Variants in MFN1 observed in about 807,000 individuals in gnomAD.
The protein encoded by MFN1 is mitofusin 1.
A neutral mutation model predicts 92.4 loss-of-function variants in MFN1; 65 were observed. The observed-to-expected ratio is 0.70, with a 90% CI of 0.58 to 0.86. The LOEUF (loss-of-function observed/expected upper bound fraction) is 0.86, where lower values mean the gene tolerates loss of function less well. MFN1 is among the 40% of genes least tolerant of loss of function. The probability of loss-of-function intolerance (pLI) is 0.00; values close to 1 mark genes in which losing one functional copy is unlikely to be tolerated. For missense variants in MFN1, 781 were observed against 868.0 expected (o/e 0.90, Z 1.26); for synonymous variants, 297 against 300.9 (o/e 0.99, Z 0.13).
chr3:179,366,852 C>T (rs1010641231), intron 7 of MFN1, among the ~76,000 whole-genome samples: 4 of 152,214 alleles, frequency 2.6e-5, no homozygotes, highest in South Asian at 4.1e-4. Context: ...CACTTCAGTG[C>T]CCAAGTGGTA....
intron 9 of MFN1, among the ~76,000 whole-genome samples, chr3:179,375,012 T>C (rs1241327613): frequency 6.6e-6 from 1 of 152,240 alleles, no homozygotes; most frequent in Non-Finnish European, 1.5e-5. Flanking sequence ...TACACAAAGA[T>C]GGTAACTTGC....
intron 14 of MFN1, among the ~76,000 whole-genome samples, chr3:179,385,246 TTTG>T (rs1713633993): frequency 7.3e-5 from 11 of 151,610 alleles, no homozygotes; most frequent in African/African-American, 2.7e-4. Flanking sequence ...TTTATCATTT[TTTG>T]TTGTTGTTTG....
chr3:179,373,702 C>G (rs1199372650), intron 9 of MFN1, among the ~76,000 whole-genome samples: 1 of 151,748 alleles, frequency 6.6e-6, no homozygotes, highest in Non-Finnish European at 1.5e-5. Flanking sequence ...GAGACAGAGT[C>G]TCGCTCTGTC....
intron 7 of MFN1, among the ~76,000 whole-genome samples, chr3:179,366,947 A>G (rs1357024087): frequency 1.3e-5 from 2 of 152,142 alleles, no homozygotes; most frequent in Admixed American, 6.5e-5. Context: ...TTGTTTTTTG[A>G]GACGGAGTCT....
In MFN1 at chr3:179,361,223, C is replaced by T. The variant is rs187559244; in HGVS notation, c.412-1135C>T. ...TCAAAATTCAAACTTCTCGTGACTT[C>T]AGAGTCTCAAAGTATGCTGTTATTT... On this transcript the variant is annotated intron_variant, in intron 4 of 17. Coordinates refer to ENST00000471841, the MANE Select transcript of MFN1 (RefSeq NM_033540.3). Among the ~76,000 whole-genome samples the T allele has an allele frequency of 7.9e-5, 12 of 152,334 alleles. No individual in the cohort carries two copies. In the East Asian group the frequency reaches 1.9e-3, roughly 24 times the overall value.
At chr3:179,358,785 G>T (rs1712445378) in intron 3 of MFN1, 55 bp from the exon 4 acceptor site, 1 of 1,539,432 alleles carries the variant, frequency 6.5e-7, no homozygotes, top group Non-Finnish European at 8.8e-7. Context: ...CCCAGTGAAA[G>T]AACTACTTTT....
rs1577012407 is a variant in MFN1, at chr3:179,377,241, C to T, written c.1224+73C>T. 15 of 1,537,196 alleles carry T rather than the reference C, an allele frequency of 9.8e-6. No homozygotes were observed. The East Asian group carries it at 3.4e-4, about 35-fold the overall frequency. ...TTTTGATAATGCTAAAAATGTTATT[C>T]CTGTTACTTTAAAAGAATGTTTTCA... is the stretch of plus-strand genomic sequence containing the variant. On this transcript the variant is annotated intron_variant, in intron 11 of 17. Coordinates refer to ENST00000471841, the MANE Select transcript of MFN1 (RefSeq NM_033540.3).
intron 7 of MFN1, among the ~76,000 whole-genome samples, chr3:179,366,144 A>G (rs541387317): frequency 5.3e-5 from 8 of 152,260 alleles, no homozygotes; most frequent in Non-Finnish European, 7.4e-5. Flanking sequence ...GAGGTTAGAG[A>G]TGCTGTTACA....
chr3:179,383,701 T>C (rs1163721778), intron 14 of MFN1, among the ~76,000 whole-genome samples: 2 of 152,170 alleles, frequency 1.3e-5, no homozygotes, highest in African/African-American at 2.4e-5. Flanking sequence ...CTCCTATCCA[T>C]GAGCATGGAA....
Position 179,390,100 on chromosome 3 carries a change from T to C in MFN1, c.2109T>C (p.Asp703=). The change falls in exon 17 of 18, where the codon GAT becomes GAC. Residue 703 remains aspartate, a synonymous_variant. Coordinates refer to ENST00000471841, the MANE Select transcript of MFN1 (RefSeq NM_033540.3). ...TTGCTAGATTACCCAAAGAAATAGA[T>C]CAGTTGGAGAAAATACAAAACAATT... ...EEIARLPKEI[D]QLEKIQNNSK... 6.2e-7 allele frequency: 1 copy of C among 1,604,092 alleles called. No homozygotes were observed. The highest frequency in any genetic ancestry group is 1.1e-5 in the South Asian group (1 of 88,422).
chr3:179,379,198 G>A (rs79135489), intron 14 of MFN1, among the ~76,000 whole-genome samples: 11,771 of 152,154 alleles, frequency 0.077, 623 homozygotes, highest in Non-Finnish European at 0.12. Flanking sequence ...CCTATGAAGG[G>A]TACTAAAATG....
Position 179,392,005 on chromosome 3 carries a change from T to C in MFN1, c.2172T>C (p.Asn724=). Residue 724 remains asparagine, a synonymous_variant, in exon 18 of 18, where the codon AAT becomes AAC. Transcript: ENST00000471841. Reference sequence around the variant, plus strand: ...GAAATAAAGCTGTTCAACTTGAAAATGAGCTGGAGAATTTTACTAAGCAGT... The same window carrying C: ...GAAATAAAGCTGTTCAACTTGAAAACGAGCTGGAGAATTTTACTAAGCAGT... ...LLRNKAVQLE[N]ELENFTKQFL... The C allele has an allele frequency of 6.2e-7, 1 of 1,609,260 alleles. No homozygotes were observed.
intron 10 of MFN1, 25 bp from the exon 11 acceptor site, chr3:179,377,017 T>G: frequency 6.2e-7 from 1 of 1,610,608 alleles, no homozygotes; most frequent in Admixed American, 1.7e-5. Context: ...ACCCTGAACG[T>G]TGATTACTCT....
intron 9 of MFN1, among the ~76,000 whole-genome samples, chr3:179,374,051 C>T (rs1259382637): frequency 6.6e-6 from 1 of 151,314 alleles, no homozygotes; most frequent in African/African-American, 2.4e-5. Context: ...TCTTGTAATC[C>T]TAGCACTTTG....
At chr3:179,362,892 T>C (rs1282327388) in intron 5 of MFN1, among the ~76,000 whole-genome samples, 2 of 152,152 alleles carry the variant, frequency 1.3e-5, no homozygotes, top group Non-Finnish European at 2.9e-5. Context: ...AATGAGTGTT[T>C]CAAGTAATCC....
At position 179,393,539 on chromosome 3, in the gene MFN1, G is replaced by A. The variant is rs1713986338; in HGVS notation, c.*1480G>A. On this transcript the variant is annotated 3_prime_UTR_variant, in exon 18 of 18. Coordinates refer to ENST00000471841, the MANE Select transcript of MFN1 (RefSeq NM_033540.3). The stretch of plus-strand genomic sequence containing the variant: ...AAGGTATCTTAGAAGATAACACTAG[G>A]CCATTGAAGCCTTTCAAAAATATAT... 6.6e-6 allele frequency: 1 copy of A among 152,092 alleles called. No individual in the cohort carries two copies. Among genetic ancestry groups the A allele is most frequent in the Admixed American group, 6.5e-5 (1 of 15,276 alleles). 9.4% of individuals were successfully genotyped at this position (152,092 alleles called of 1,614,324 possible).
intron 16 of MFN1, among the ~76,000 whole-genome samples, chr3:179,389,760 A>G (rs1354331959): frequency 2.6e-5 from 4 of 152,082 alleles, no homozygotes; most frequent in South Asian, 2.1e-4. Flanking sequence ...AAACACACCC[A>G]TCTTTTGTCT....
chr3:179,351,813 A>G (rs1712157068), intron 2 of MFN1, 87 bp from the exon 3 acceptor site: 1 of 1,338,352 alleles, frequency 7.5e-7, no homozygotes, highest in African/African-American at 1.5e-5. Context: ...ACATAAAGCA[A>G]AAATACATAC....
intron 16 of MFN1, among the ~76,000 whole-genome samples, chr3:179,389,242 T>A (rs1713808966): frequency 6.6e-6 from 1 of 152,180 alleles, no homozygotes; most frequent in African/African-American, 2.4e-5. Context: ...TTAAGATACT[T>A]GGACATCCAA....
Sources: gnomAD v4.1 joint callset for allele counts (sites outside exome capture counted in the v4.1 genomes callset) on GRCh38, gnomAD v4.1.1 for gene constraint, MANE v1.5 for transcripts, NCBI Gene and HGNC (gene_info 2026-07-23, HGNC 2026-07-21) for gene names.